Variants in OSBP2 observed in about 807,000 individuals in gnomAD.
OSBP2 encodes oxysterol-binding protein 2.
Under a neutral mutation model 96.0 loss-of-function variants are expected in OSBP2, and 66 were observed. That is an observed-to-expected ratio of 0.69 (90% confidence interval 0.56 to 0.84). The LOEUF is 0.84. Among genes scored for constraint, OSBP2 ranks in the 40% least tolerant of loss-of-function variants. OSBP2 has a pLI of 0.00. For missense variants in OSBP2, 1,038 were observed against 1,222.7 expected, an observed-to-expected ratio of 0.85 and a Z score of 2.25; for synonymous variants, 525 against 520.9, an observed-to-expected ratio of 1.01 and a Z score of -0.11.
intron 1 of OSBP2, among the ~76,000 whole-genome samples, chr22:30,740,583 G>A (rs2089925101): frequency 6.6e-6 from 1 of 152,282 alleles, no homozygotes; most frequent in East Asian, 1.9e-4. Context: ...AATGAACAAA[G>A]ACAGCTTGGA....
chr22:30,852,521 T>A (rs888082802), intron 2 of OSBP2, among the ~76,000 whole-genome samples: 1 of 150,390 alleles, frequency 6.6e-6, no homozygotes, highest in Non-Finnish European at 1.5e-5. Context: ...ATAATTTGTA[T>A]TTTTTTTTAT....
intron 2 of OSBP2, among the ~76,000 whole-genome samples, chr22:30,857,176 G>C (rs994610181): frequency 3.9e-5 from 6 of 152,228 alleles, no homozygotes; most frequent in Admixed American, 1.3e-4. Context: ...TCTAAGCGAT[G>C]GGGGTGACTG....
chr22:30,900,286 A>G (rs988900849), intron 12 of OSBP2, among the ~76,000 whole-genome samples: 4 of 152,100 alleles, frequency 2.6e-5, no homozygotes, highest in African/African-American at 9.7e-5. Context: ...AGCATATAAC[A>G]TCAAGGACCT....
intron 2 of OSBP2, among the ~76,000 whole-genome samples, chr22:30,854,911 G>A (rs2039050393): frequency 6.6e-6 from 1 of 152,194 alleles, no homozygotes; most frequent in African/African-American, 2.4e-5. Context: ...GTGGTGGAAG[G>A]GGAAGCAAAC....
chr22:30,902,808 T>TG (rs2040244992), intron 12 of OSBP2: 2 of 390,196 alleles, frequency 5.1e-6, no homozygotes. Context: ...GAATGGAACA[T>TG]GGGGGGTTGG....
intron 1 of OSBP2, among the ~76,000 whole-genome samples, chr22:30,723,139 T>A (rs1314465421): frequency 1.3e-5 from 2 of 151,086 alleles, no homozygotes; most frequent in African/African-American, 2.4e-5. Context: ...TAATATATAT[T>A]TATTTATTTT....
intron 2 of OSBP2, among the ~76,000 whole-genome samples, chr22:30,857,176 G>T (rs994610181): frequency 1.3e-5 from 2 of 152,228 alleles, no homozygotes; most frequent in African/African-American, 4.8e-5. Context: ...TCTAAGCGAT[G>T]GGGGTGACTG....
At chr22:30,804,620 C>T (rs1049602661) in intron 2 of OSBP2, among the ~76,000 whole-genome samples, 2 of 152,196 alleles carry the variant, frequency 1.3e-5, no homozygotes, top group Non-Finnish European at 2.9e-5. Flanking sequence ...CCATTTGTTT[C>T]GCACCAGTGT....
Position 30,893,499 on chromosome 22 carries a change from A to T in OSBP2, c.2027A>T (p.His676Leu). 1 of 1,614,190 alleles carries T rather than the reference A, an allele frequency of 6.2e-7. No homozygotes were observed. The highest frequency in any genetic ancestry group is 8.5e-7 in the Non-Finnish European group (1 of 1,180,030). Residue 676 changes from histidine (H) to leucine (L), a missense_variant, in exon 10 of 14, where the codon CAC becomes CTC. Physicochemically the swap from His to Leu is moderately conservative, Grantham distance 99. Transcript: ENST00000332585. ...IHLEFQASGN[H>L]YVWRKSTSTV... ...TTAGAATTCCAGGCCAGTGGGAATC[A>T]CTACGTGTGGAGGAAGAGCACCTCA...
Position 30,887,481 on chromosome 22 carries a change from C to T in OSBP2, c.1163C>T (p.Ala388Val), listed in dbSNP as rs1478252504. The T allele has an allele frequency of 2.5e-6, 4 of 1,613,826 alleles. No homozygotes were observed. Among genetic ancestry groups the T allele is most frequent in the Non-Finnish European group, 3.4e-6 (4 of 1,180,018 alleles). Residue 388 changes from alanine (A) to valine (V), a missense_variant, in exon 4 of 14, where the codon GCA (alanine) becomes GTA (valine). Transcript: ENST00000332585. ...ATACACAGTCGGAAATGGCAGCGGGCACTGCAGTATGAGCAGGAGCAGCGC... is the reference window on the plus strand; with the variant it reads ...ATACACAGTCGGAAATGGCAGCGGGTACTGCAGTATGAGCAGGAGCAGCGC... ...AEIHSRKWQRALQYEQEQRVH... is the reference protein window; with the variant it reads ...AEIHSRKWQRVLQYEQEQRVH...
intron 1 of OSBP2, among the ~76,000 whole-genome samples, chr22:30,729,877 C>T (rs1210169890): frequency 6.6e-6 from 1 of 152,076 alleles, no homozygotes; most frequent in African/African-American, 2.4e-5. Context: ...TCGTGGACTT[C>T]AGCTCTTGTG....
intron 2 of OSBP2, among the ~76,000 whole-genome samples, chr22:30,835,476 T>G (rs1488202533): frequency 6.6e-6 from 1 of 152,208 alleles, no homozygotes; most frequent in Admixed American, 6.6e-5. Flanking sequence ...TCTAGTTCTA[T>G]TCCAGTGATC....
At chr22:30,816,566 C>T (rs1004803642) in intron 2 of OSBP2, among the ~76,000 whole-genome samples, 6 of 152,186 alleles carry the variant, frequency 3.9e-5, no homozygotes, top group African/African-American at 1.4e-4. Context: ...CAGTGCAACC[C>T]CGTGCTGGCT....
At chr22:30,752,288 CTTTTTTTTTTTTT>C (rs10691256) in intron 2 of OSBP2, among the ~76,000 whole-genome samples, 12 of 48,674 alleles carry the variant, frequency 2.5e-4, no homozygotes, top group Admixed American at 5.4e-4. Flanking sequence ...CTTTGCTTTG[CTTTTTTTTTTTTT>C]TTTTTTTTTT....
At chr22:30,718,768 C>T (rs1011215209) in intron 1 of OSBP2, among the ~76,000 whole-genome samples, 21 of 152,112 alleles carry the variant, frequency 1.4e-4, no homozygotes, top group African/African-American at 4.3e-4. Context: ...CCTGCCAGTA[C>T]TAACAGATTT....
intron 2 of OSBP2, among the ~76,000 whole-genome samples, chr22:30,798,602 T>C (rs1433615009): frequency 1.3e-5 from 2 of 152,242 alleles, no homozygotes; most frequent in Admixed American, 6.5e-5. Flanking sequence ...TTTCTGTATA[T>C]GGTGTTAGGT....
At chr22:30,788,423 G>A (rs2090626604) in intron 2 of OSBP2, among the ~76,000 whole-genome samples, 1 of 152,162 alleles carries the variant, frequency 6.6e-6, no homozygotes, top group Non-Finnish European at 1.5e-5. Flanking sequence ...AACGTGGGGA[G>A]CTTTCACTCA....
At chr22:30,886,649 C>T (rs900356408) in intron 3 of OSBP2, among the ~76,000 whole-genome samples, 1 of 152,066 alleles carries the variant, frequency 6.6e-6, no homozygotes, top group Non-Finnish European at 1.5e-5. Context: ...TTCCTTGACT[C>T]GTAATGTTAT....
At chr22:30,792,092 A>G (rs2090683536) in intron 2 of OSBP2, among the ~76,000 whole-genome samples, 1 of 152,160 alleles carries the variant, frequency 6.6e-6, no homozygotes, top group Non-Finnish European at 1.5e-5. Flanking sequence ...TGGGTGGATC[A>G]CTGGAGGTCA....
Sources: allele counts gnomAD v4.1 joint callset (sites outside exome capture counted in the v4.1 genomes callset), GRCh38; gene constraint gnomAD v4.1.1; transcripts MANE v1.5; gene names NCBI Gene and HGNC (gene_info 2026-07-23, HGNC 2026-07-21).